Variants in SAMTOR observed in about 807,000 individuals in gnomAD.
SAMTOR encodes S-adenosylmethionine sensor upstream of mTORC1, also known as UPF0532 protein C7orf60.
chr7:112,938,442 G>A, the SAMTOR span, among the ~76,000 whole-genome samples: 1 of 152,328 alleles, frequency 6.6e-6, no homozygotes, highest in African/African-American at 2.4e-5. Context: ...AGGATACTTA[G>A]TTTTAACTTT....
chr7:112,907,556 G>A, the SAMTOR span, among the ~76,000 whole-genome samples: 1 of 151,088 alleles, frequency 6.6e-6, no homozygotes, highest in African/African-American at 2.4e-5. Flanking sequence ...AAAGACAAAG[G>A]GCACAAATAT....
chr7:112,825,092 G>C, the SAMTOR span, among the ~76,000 whole-genome samples: 10 of 152,206 alleles, frequency 6.6e-5, no homozygotes, highest in Admixed American at 5.9e-4. Context: ...TGTGATCTTA[G>C]CTCACTGCAA....
At chr7:112,912,581 T>C in the SAMTOR span, among the ~76,000 whole-genome samples, 2 of 152,138 alleles carry the variant, frequency 1.3e-5, no homozygotes, top group Admixed American at 1.3e-4. Context: ...TATATATAAC[T>C]CAAGTTTCAA....
At chr7:112,902,458 A>C in the SAMTOR span, among the ~76,000 whole-genome samples, 1 of 146,850 alleles carries the variant, frequency 6.8e-6, no homozygotes, top group Non-Finnish European at 1.5e-5. Context: ...ACAAAAAAAA[A>C]AACCAAAAAA....
chr7:112,939,649 C>G, the SAMTOR span: 2 of 1,613,834 alleles, frequency 1.2e-6, no homozygotes, highest in Admixed American at 1.7e-5. Context: ...CGGAGAGCTT[C>G]TCCTGCTCCA....
the SAMTOR span, among the ~76,000 whole-genome samples, chr7:112,869,343 C>T: frequency 6.6e-6 from 1 of 152,006 alleles, no homozygotes; most frequent in Non-Finnish European, 1.5e-5. Flanking sequence ...TTGCCTCTGT[C>T]GCCTCCTGCT....
At chr7:112,922,836 G>A in the SAMTOR span, among the ~76,000 whole-genome samples, 1 of 150,936 alleles carries the variant, frequency 6.6e-6, no homozygotes, top group South Asian at 2.1e-4. Context: ...GAGGTGGGGG[G>A]TCAGACCCCC....
chr7:112,918,845 CAAAG>C, the SAMTOR span, among the ~76,000 whole-genome samples: 3 of 152,056 alleles, frequency 2.0e-5, no homozygotes, highest in Non-Finnish European at 4.4e-5. Context: ...TCAAAAGAGA[CAAAG>C]AAGGCCATTA....
At chr7:112,901,125 T>C in the SAMTOR span, among the ~76,000 whole-genome samples, 89 of 152,302 alleles carry the variant, frequency 5.8e-4, no homozygotes, top group African/African-American at 1.9e-3. Flanking sequence ...GAGAAAATAT[T>C]TGCAAATCAT....
chr7:112,900,371 G>A, the SAMTOR span, among the ~76,000 whole-genome samples: 1 of 152,172 alleles, frequency 6.6e-6, no homozygotes, highest in Non-Finnish European at 1.5e-5. Context: ...CAATGGTGTA[G>A]GTTCCAGCTA....
chr7:112,894,989 T>C, the SAMTOR span, among the ~76,000 whole-genome samples: 29 of 152,214 alleles, frequency 1.9e-4, no homozygotes, highest in Non-Finnish European at 4.0e-4. Flanking sequence ...CATGTACTTA[T>C]AAAATTTATG....
the SAMTOR span, among the ~76,000 whole-genome samples, chr7:112,823,459 T>A: frequency 6.6e-6 from 1 of 152,194 alleles, no homozygotes; most frequent in Non-Finnish European, 1.5e-5. Context: ...TTTATATAAA[T>A]AATCATTTTG....
chr7:112,934,252 T>C, the SAMTOR span, among the ~76,000 whole-genome samples: 10 of 152,200 alleles, frequency 6.6e-5, no homozygotes, highest in African/African-American at 2.4e-4. Flanking sequence ...TCCTCAGTTC[T>C]ATATTACAAC....
the SAMTOR span, among the ~76,000 whole-genome samples, chr7:112,881,084 G>A: frequency 6.6e-6 from 1 of 152,224 alleles, no homozygotes; most frequent in Non-Finnish European, 1.5e-5. Context: ...CGCAGGCTCA[G>A]AAGTGCCTGC....
chr7:112,939,648 T>TCTCCTGCTCCAGTTTCCG, the SAMTOR span: 19 of 1,613,746 alleles, frequency 1.2e-5, no homozygotes, highest in Middle Eastern at 1.7e-4. Flanking sequence ...CCGGAGAGCT[T>TCTCCTGCTCCAGTTTCCG]CTCCTGCTCC....
the SAMTOR span, among the ~76,000 whole-genome samples, chr7:112,934,491 C>T: frequency 6.6e-6 from 1 of 152,198 alleles, no homozygotes; most frequent in Non-Finnish European, 1.5e-5. Flanking sequence ...ATCTTTGACC[C>T]TTCTTTATTT....
At chr7:112,824,772 G>A in the SAMTOR span, among the ~76,000 whole-genome samples, 1 of 152,032 alleles carries the variant, frequency 6.6e-6, no homozygotes, top group Non-Finnish European at 1.5e-5. Context: ...TCCATCTTGG[G>A]CAAAAATCAC....
At chr7:112,901,011 T>TG in the SAMTOR span, among the ~76,000 whole-genome samples, 1 of 152,206 alleles carries the variant, frequency 6.6e-6, no homozygotes, top group African/African-American at 2.4e-5. Context: ...ACCAAAGGCA[T>TG]GATCTGTAAA....
the SAMTOR span, among the ~76,000 whole-genome samples, chr7:112,880,561 G>A: frequency 6.2e-4 from 94 of 151,888 alleles, no homozygotes; most frequent in African/African-American, 2.1e-3. Flanking sequence ...TTGATAATAA[G>A]CATTCTTTCT....
Sources: allele counts gnomAD v4.1 joint callset (sites outside exome capture counted in the v4.1 genomes callset), GRCh38; gene constraint gnomAD v4.1.1; transcripts MANE v1.5; gene names NCBI Gene and HGNC (gene_info 2026-07-23, HGNC 2026-07-21).